Variants in USP37 observed in about 807,000 individuals in gnomAD.
The protein encoded by USP37 is ubiquitin carboxyl-terminal hydrolase 37.
Under a neutral mutation model 124.0 loss-of-function variants are expected in USP37, and 27 were observed. The ratio of observed to expected loss-of-function variants is 0.22; its 90% confidence interval spans 0.16 to 0.30. The LOEUF is 0.30. USP37 is among the 10% of genes least tolerant of loss of function. USP37 has a pLI of 1.00. For missense variants in USP37, 889 were observed against 1,140.4 expected, an observed-to-expected ratio of 0.78 and a Z score of 3.17; for synonymous variants, 365 against 388.0, an observed-to-expected ratio of 0.94 and a Z score of 0.70.
rs1288443801 is a variant in USP37 at position 218,546,317 on chromosome 2, A to C, written c.603-19T>G. The C allele has an allele frequency of 6.3e-7, 1 of 1,586,750 alleles. No homozygotes were observed. The highest frequency in any genetic ancestry group is 1.8e-5 in the Admixed American group (1 of 56,084). On this transcript the variant is annotated intron_variant, in intron 7 of 25. Transcript: ENST00000258399. ...TTCAGTACTACAGAGAACAAAGAAA[A>C]GGTTACTTTTAAAAAGCCACAATTC...
chr2:218,553,779 C>T (rs949646005), intron 4 of USP37, 55 bp from the exon 5 acceptor site: 17 of 1,496,512 alleles, frequency 1.1e-5, no homozygotes, highest in Non-Finnish European at 1.5e-5. Flanking sequence ...CTAAGTATAA[C>T]AATCTGTATA....
At chr2:218,546,425 T>A in intron 7 of USP37, 127 bp from the exon 8 acceptor site, 1 of 645,126 alleles carries the variant, frequency 1.6e-6, no homozygotes, top group Non-Finnish European at 2.6e-6. Flanking sequence ...CATATTTAAT[T>A]ATTATTATTT....
chr2:218,508,221 AT>A (rs1237467361), intron 11 of USP37, among the ~76,000 whole-genome samples: 4 of 151,236 alleles, frequency 2.6e-5, no homozygotes, highest in Non-Finnish European at 4.4e-5. Context: ...GAACATTGCA[AT>A]TAGGCAGTCT....
At chr2:218,463,154 G>T in intron 22 of USP37, 152 bp downstream of exon 22, 1 of 811,138 alleles carries the variant, frequency 1.2e-6, no homozygotes, top group Non-Finnish European at 1.9e-6. Flanking sequence ...GTGACAGAGT[G>T]AGAGGCTCTC....
chr2:218,459,883 A>G lies in USP37; in HGVS notation c.2550T>C (p.Asp850=). The G allele has an allele frequency of 6.2e-7, 1 of 1,613,720 alleles. No individual in the cohort carries two copies. Among genetic ancestry groups the G allele is most frequent in the Non-Finnish European group, 8.5e-7 (1 of 1,179,778 alleles). ...SLQEFNNSFV[D]ALGSDEDSGN... is the part of the protein sequence containing the mutation. Reference sequence around the variant, plus strand: ...CAGAGTCCTCATCAGAACCCAATGCATCCACAAAGGAGTTGTTAAACTCTG... The same window carrying G: ...CAGAGTCCTCATCAGAACCCAATGCGTCCACAAAGGAGTTGTTAAACTCTG... The change falls in exon 23 of 26, where the codon GAT becomes GAC. Residue 850 remains aspartate (D), a synonymous_variant. Transcript: ENST00000258399.
rs1300374487 is a variant in USP37 at position 218,453,723 on chromosome 2, T to C, written c.*1207A>G. The C allele has an allele frequency of 2.6e-5, 4 of 152,220 alleles. No individual in the cohort carries two copies. The highest frequency in any genetic ancestry group is 2.0e-4 in the Admixed American group (3 of 15,278). The allele number at this position is 152,220 out of a possible 1,614,324, so 9.4% of individuals were successfully genotyped here. ...ACCTAAAAAGTAGATAAATAAATTA[T>C]GCACCTTTGTTATTTGTTAGTTTTT... On this transcript the variant is annotated 3_prime_UTR_variant, in exon 26 of 26. Coordinates refer to ENST00000258399, the MANE Select transcript of USP37 (RefSeq NM_020935.3).
At chr2:218,525,290 G>T (rs902050137) in intron 10 of USP37, among the ~76,000 whole-genome samples, 2 of 152,100 alleles carry the variant, frequency 1.3e-5, no homozygotes, top group African/African-American at 4.8e-5. Flanking sequence ...AGACTAGCCT[G>T]GGCAACATGG....
intron 7 of USP37, 21 bp downstream of exon 7, chr2:218,546,898 T>A: frequency 6.2e-7 from 1 of 1,600,558 alleles, no homozygotes; most frequent in Non-Finnish European, 8.5e-7. Flanking sequence ...AGCTAGTGAC[T>A]AAGAAAAAAG....
chr2:218,476,918 C>T lies in USP37; in HGVS notation c.1965G>A (p.Glu655=). ...ALCLDSDSED[E]LKRSVALSQR... ...GGCTGAGGGCCACAGAACGTTTTAG[C>T]TCATCCTCACTGTCTGAATCAAGGC... Residue 655 remains glutamate (E), a synonymous_variant, in exon 19 of 26, where the codon GAG becomes GAA. Transcript: ENST00000258399. 1 of 1,609,302 alleles carries T rather than the reference C, an allele frequency of 6.2e-7. No homozygotes were observed.
chr2:218,520,761 C>T (rs1412997766), intron 10 of USP37, among the ~76,000 whole-genome samples: 1 of 152,200 alleles, frequency 6.6e-6, no homozygotes, highest in Non-Finnish European at 1.5e-5. Context: ...CATTTATAAC[C>T]TTTAAGAGTG....
intron 21 of USP37, 105 bp downstream of exon 21, chr2:218,465,905 G>A: frequency 7.3e-7 from 1 of 1,376,550 alleles, no homozygotes; most frequent in Middle Eastern, 2.4e-4. Context: ...TAAATCATCT[G>A]GAACAATGTC....
At chr2:218,520,157 C>A (rs1030071812) in intron 10 of USP37, among the ~76,000 whole-genome samples, 14 of 151,482 alleles carry the variant, frequency 9.2e-5, no homozygotes, top group Admixed American at 7.9e-4. Flanking sequence ...AGGCTGGTCT[C>A]GAACTCCTGA....
At position 218,457,099 on chromosome 2, in the gene USP37, A is replaced by G; in HGVS notation, c.2706T>C (p.Ser902=). 4 of 1,613,922 alleles carry G rather than the reference A, an allele frequency of 2.5e-6. No homozygotes were observed. The highest frequency in any genetic ancestry group is 3.4e-6 in the Non-Finnish European group (4 of 1,179,950). ...ISVVSHIGST[S]SSGHYISDVY... ...ATCATGATGGCTATTCACCTGAAGA[A>G]GAAGTGCTACCAATGTGACTGACAA... is the stretch of plus-strand genomic sequence containing the variant. Residue 902 remains serine, a synonymous_variant, in exon 24 of 26, where the codon TCT becomes TCC. Transcript: ENST00000258399.
chr2:218,559,975 C>G (rs1194313766), intron 3 of USP37, among the ~76,000 whole-genome samples: 2 of 151,878 alleles, frequency 1.3e-5, no homozygotes, highest in African/African-American at 4.8e-5. Context: ...CTGAGTGAGA[C>G]CCTGTCTCAA....
intron 22 of USP37, 63 bp from the exon 23 acceptor site, chr2:218,459,968 C>T (rs943613853): frequency 7.8e-6 from 10 of 1,288,556 alleles, no homozygotes; most frequent in South Asian, 1.2e-5. Context: ...TGGTGGCTCA[C>T]ACCTGTAATC....
intron 18 of USP37, among the ~76,000 whole-genome samples, chr2:218,477,692 T>C (rs967242194): frequency 6.6e-6 from 1 of 152,218 alleles, no homozygotes; most frequent in Non-Finnish European, 1.5e-5. Context: ...AATATCATAT[T>C]GAAACACAGT....
At chr2:218,547,863 A>G (rs918614350) in intron 6 of USP37, among the ~76,000 whole-genome samples, 4 of 152,212 alleles carry the variant, frequency 2.6e-5, no homozygotes, top group African/African-American at 9.6e-5. Flanking sequence ...TGGCAAGAAC[A>G]CTCAAAGAGA....
chr2:218,499,819 T>C (rs1689275282), intron 11 of USP37, among the ~76,000 whole-genome samples: 1 of 152,222 alleles, frequency 6.6e-6, no homozygotes, highest in Admixed American at 6.6e-5. Context: ...TCTTGCTCTG[T>C]TGTCCTGGCT....
chr2:218,541,138 A>G (rs1237518528), intron 8 of USP37, among the ~76,000 whole-genome samples: 2 of 152,146 alleles, frequency 1.3e-5, no homozygotes. Context: ...TTTTTCAATA[A>G]CTCACTTGGA....
Sources: gnomAD v4.1 joint callset for allele counts (sites outside exome capture counted in the v4.1 genomes callset) on GRCh38, gnomAD v4.1.1 for gene constraint, MANE v1.5 for transcripts, NCBI Gene and HGNC (gene_info 2026-07-23, HGNC 2026-07-21) for gene names.